DPP6: variants seen among roughly 807,000 people sequenced by gnomAD.
DPP6 encodes the protein A-type potassium channel modulatory protein DPP6.
DPP6 carries 69 observed loss-of-function variants against 122.6 expected under a neutral mutation model. The ratio of observed to expected loss-of-function variants is 0.56; its 90% confidence interval spans 0.46 to 0.69. The LOEUF is 0.69. DPP6 is among the 30% of genes least tolerant of loss of function. DPP6 has a pLI of 0.00. For synonymous variants in DPP6, 418 were observed against 433.1 expected (o/e 0.97, Z 0.43); for missense variants, 928 against 1,116.9 (o/e 0.83, Z 2.41).
chr7:154,554,487 T>C (rs114255854), intron 4 of DPP6, among the ~76,000 whole-genome samples: 2,597 of 152,304 alleles, frequency 0.017, 70 homozygotes, highest in African/African-American at 0.057. Flanking sequence ...ATATCTCTTT[T>C]TTCCCTAACA....
chr7:154,508,339 G>T (rs1041379476), intron 3 of DPP6, among the ~76,000 whole-genome samples: 4 of 152,102 alleles, frequency 2.6e-5, no homozygotes, highest in African/African-American at 9.7e-5. Flanking sequence ...GGAGGTGGGG[G>T]TTCCTCCATG....
At chr7:154,858,272 A>G (rs1803005494) in intron 17 of DPP6, 1 of 152,270 alleles carries the variant, frequency 6.6e-6, no homozygotes, top group African/African-American at 2.4e-5. Flanking sequence ...CAGCTAAGGA[A>G]GCTGAGGCAC....
intron 1 of DPP6, among the ~76,000 whole-genome samples, chr7:154,265,064 G>A (rs1482655272): frequency 2.9e-5 from 4 of 137,426 alleles, no homozygotes; most frequent in Admixed American, 1.4e-4. Flanking sequence ...GATCATGATG[G>A]TGTTAATGGT....
At chr7:153,964,839 CT>C (rs1795572841) in intron 1 of DPP6, among the ~76,000 whole-genome samples, 3 of 122,254 alleles carry the variant, frequency 2.5e-5, no homozygotes, top group East Asian at 3.0e-4. Context: ...TTTCCTTTTC[CT>C]TTTCCTTTTC....
chr7:154,416,601 A>G (rs2151217585), intron 1 of DPP6, among the ~76,000 whole-genome samples: 1 of 152,288 alleles, frequency 6.6e-6, no homozygotes, highest in Admixed American at 6.5e-5. Context: ...TAGGAAAAAC[A>G]GCACATATCA....
At position 154,620,637 on chromosome 7, in the gene DPP6, T is replaced by C. The variant is rs567643221; in HGVS notation, c.628-17184T>C. Among the ~76,000 whole-genome samples the C allele has an allele frequency of 6.6e-5, 10 of 152,368 alleles. No homozygotes were observed. In the South Asian group the frequency reaches 1.7e-3, roughly 25 times the overall value. ...GTTTTCACTCTGAATGAGTTTTTTT[T>C]CCTCCATTTGGCACTGCCTGTGGAG... On this transcript the variant is annotated intron_variant, in intron 5 of 25. Coordinates refer to ENST00000377770, the MANE Select transcript of DPP6 (RefSeq NM_130797.4).
At chr7:154,235,452 T>C (rs1438656230) in intron 1 of DPP6, among the ~76,000 whole-genome samples, 3 of 146,956 alleles carry the variant, frequency 2.0e-5, no homozygotes, top group African/African-American at 7.9e-5. Flanking sequence ...GTTTGCCCAG[T>C]TTGCTGTTCC....
At chr7:153,892,029 A>G (rs1799225124) in intron 1 of DPP6, among the ~76,000 whole-genome samples, 1 of 152,200 alleles carries the variant, frequency 6.6e-6, no homozygotes, top group African/African-American at 2.4e-5. Context: ...GCTCACTGAC[A>G]CTGGTTTTAG....
rs529183017 is a variant in DPP6, at chr7:154,752,794, G to A, written c.884-16623G>A. ...TGGTCAGAGAGAGCCAGAAGGTTCT[G>A]GGGGTGAGCTGCAGCTGTTGGCCCA... On this transcript the variant is annotated intron_variant, in intron 8 of 25. Coordinates refer to ENST00000377770, the MANE Select transcript of DPP6 (RefSeq NM_130797.4). 2.0e-5 allele frequency among the ~76,000 whole-genome samples: 3 copies of A among 152,316 alleles called. No individual in the cohort carries two copies. In the East Asian group the frequency reaches 5.8e-4, roughly 29 times the overall value.
intron 1 of DPP6, among the ~76,000 whole-genome samples, chr7:154,168,885 T>C (rs192156829): frequency 1.6e-4 from 24 of 152,370 alleles, no homozygotes; most frequent in Admixed American, 2.6e-4. Context: ...ATCGTCTCCA[T>C]TTTTAGATAA....
At chr7:154,410,165 T>G (rs1480455694) in intron 1 of DPP6, among the ~76,000 whole-genome samples, 1 of 152,220 alleles carries the variant, frequency 6.6e-6, no homozygotes, top group Non-Finnish European at 1.5e-5. Context: ...GAAAATTCAA[T>G]AAGATACGTG....
chr7:153,979,716 C>T (rs1345312921), intron 1 of DPP6, among the ~76,000 whole-genome samples: 1 of 152,084 alleles, frequency 6.6e-6, no homozygotes. Context: ...TGAGATACGT[C>T]CCATCAATAC....
intron 1 of DPP6, among the ~76,000 whole-genome samples, chr7:153,931,899 A>G (rs1288155363): frequency 6.6e-6 from 1 of 152,202 alleles, no homozygotes; most frequent in Non-Finnish European, 1.5e-5. Context: ...TGCTGAGTGC[A>G]GAAACAATCT....
intron 2 of DPP6, among the ~76,000 whole-genome samples, chr7:154,465,267 C>A (rs1176545667): frequency 6.6e-6 from 1 of 152,154 alleles, no homozygotes; most frequent in African/African-American, 2.4e-5. Context: ...TTTGAAAATA[C>A]AAATTTTATT....
intron 16 of DPP6, among the ~76,000 whole-genome samples, chr7:154,828,146 G>C (rs1172073796): frequency 6.6e-6 from 1 of 152,116 alleles, no homozygotes; most frequent in Non-Finnish European, 1.5e-5. Flanking sequence ...TGAATGTAAC[G>C]GTAATGCTGT....
chr7:154,274,496 C>T (rs768816464), intron 1 of DPP6, among the ~76,000 whole-genome samples: 15 of 152,164 alleles, frequency 9.9e-5, no homozygotes, highest in Non-Finnish European at 1.5e-4. Flanking sequence ...CCACTGACCA[C>T]GCTAACACGC....
At chr7:153,870,145 C>T in the DPP6 span, among the ~76,000 whole-genome samples, 5 of 152,068 alleles carry the variant, frequency 3.3e-5, no homozygotes, top group African/African-American at 7.2e-5. Flanking sequence ...TTGCTCTTCT[C>T]GAGGAGCATC....
chr7:154,236,697 G>C (rs977719491), intron 1 of DPP6, among the ~76,000 whole-genome samples: 9 of 152,170 alleles, frequency 5.9e-5, no homozygotes, highest in African/African-American at 1.7e-4. Context: ...CCTATAATCA[G>C]ATTTAAAGAA....
At chr7:154,518,178 T>G (rs576420516) in intron 3 of DPP6, among the ~76,000 whole-genome samples, 1 of 152,234 alleles carries the variant, frequency 6.6e-6, no homozygotes, top group South Asian at 2.1e-4. Flanking sequence ...ATTAGCTGAG[T>G]CTTACTGTGT....
Sources: allele counts gnomAD v4.1 joint callset (sites outside exome capture counted in the v4.1 genomes callset), GRCh38; gene constraint gnomAD v4.1.1; transcripts MANE v1.5; gene names NCBI Gene and HGNC (gene_info 2026-07-23, HGNC 2026-07-21).